Variants in COL5A2 observed in about 807,000 individuals in gnomAD.
COL5A2 encodes collagen alpha-2(V) chain.
COL5A2 carries 23 observed loss-of-function variants against 208.2 expected under a neutral mutation model. The ratio of observed to expected loss-of-function variants is 0.11; its 90% CI spans 0.08 to 0.16. The LOEUF (loss-of-function observed/expected upper bound fraction) is 0.16. Ranked by LOEUF, COL5A2 falls within the 10% of genes least tolerant of loss-of-function variation. The pLI, the probability that COL5A2 is intolerant of heterozygous loss-of-function variation, is 1.00. For synonymous variants in COL5A2, 625 were observed against 628.5 expected, an observed-to-expected ratio of 0.99 and a Z score of 0.08; for missense variants, 1,590 against 1,956.4, an observed-to-expected ratio of 0.81 and a Z score of 3.53.
At chr2:189,298,965 T>C in the COL5A2 span, among the ~76,000 whole-genome samples, 1 of 152,212 alleles carries the variant, frequency 6.6e-6, no homozygotes, top group East Asian at 1.9e-4. Context: ...CTTTTCAGCT[T>C]TGACCCTAAA....
At chr2:189,180,491 T>A (rs73980174), upstream of COL5A2, among the ~76,000 whole-genome samples, 4,523 of 152,244 alleles carry the variant, frequency 0.03, 79 homozygotes, top group Admixed American at 0.046. Context: ...TGCAGAGGAA[T>A]GGGAAGTACT....
the COL5A2 span, among the ~76,000 whole-genome samples, chr2:189,303,897 G>A: frequency 1.3e-5 from 2 of 152,048 alleles, no homozygotes; most frequent in Non-Finnish European, 2.9e-5. Flanking sequence ...GGGGCTGCCC[G>A]AGTCATGAAT....
At chr2:189,325,398 T>A in the COL5A2 span, among the ~76,000 whole-genome samples, 1 of 151,736 alleles carries the variant, frequency 6.6e-6, no homozygotes, top group Admixed American at 6.6e-5. Context: ...ATCCTCCATG[T>A]TCCTTCTCCT....
chr2:189,426,699 C>T, the COL5A2 span, among the ~76,000 whole-genome samples: 9 of 152,192 alleles, frequency 5.9e-5, no homozygotes, highest in East Asian at 3.9e-4. Flanking sequence ...AGGTCACTTC[C>T]GCTATGCTTT....
intron 3 of COL5A2, among the ~76,000 whole-genome samples, chr2:189,101,831 T>C (rs984733656): frequency 2.0e-5 from 3 of 151,948 alleles, no homozygotes; most frequent in African/African-American, 7.2e-5. Context: ...TTCTATAGGG[T>C]AAGTTCAAGA....
At chr2:189,349,888 C>T in the COL5A2 span, among the ~76,000 whole-genome samples, 3 of 152,030 alleles carry the variant, frequency 2.0e-5, no homozygotes, top group African/African-American at 7.2e-5. Context: ...TGGAAAATTA[C>T]TCAGCAATAT....
chr2:189,287,726 T>C, the COL5A2 span, among the ~76,000 whole-genome samples: 757 of 152,300 alleles, frequency 5.0e-3, 1 homozygote, highest in Non-Finnish European at 7.4e-3. Context: ...GCAAAAATCA[T>C]TGCAATTACT....
At position 189,057,290 on chromosome 2, in the gene COL5A2, G is replaced by GAAAAAAAAAAAAAAA. The variant is rs34715449; in HGVS notation, c.2337+15_2337+29dup. ...AGCAGAAAGTCTGAATAAATGAACT[G>GAAAAAAAAAAAAAAA]AAAAAAAAAAAAAAAAAAAAAGGAC... On this transcript the variant is annotated intron_variant, in intron 34 of 53. Coordinates refer to ENST00000374866, the MANE Select transcript of COL5A2 (RefSeq NM_000393.5). 1.2e-4 allele frequency: 83 copies of GAAAAAAAAAAAAAAA among 710,624 alleles called. 7 individuals are homozygous for GAAAAAAAAAAAAAAA. Among genetic ancestry groups the GAAAAAAAAAAAAAAA allele is most frequent in the Admixed American group, 2.7e-4 (9 of 33,278 alleles). The allele number at this position is 710,624 out of a possible 1,614,324, so 44.0% of individuals were successfully genotyped here.
At chr2:189,276,329 T>C in the COL5A2 span, among the ~76,000 whole-genome samples, 1 of 152,190 alleles carries the variant, frequency 6.6e-6, no homozygotes, top group Non-Finnish European at 1.5e-5. Context: ...TTTTATTCAC[T>C]ATGTGTAATA....
chr2:189,374,280 C>T, the COL5A2 span, among the ~76,000 whole-genome samples: 1 of 150,946 alleles, frequency 6.6e-6, no homozygotes, highest in Non-Finnish European at 1.5e-5. Context: ...TTTTTCTTTA[C>T]TAAAAGCAAT....
the COL5A2 span, among the ~76,000 whole-genome samples, chr2:189,396,741 T>C: frequency 4.7e-5 from 7 of 148,912 alleles, no homozygotes; most frequent in South Asian, 1.3e-3. Context: ...CCCAGCACTT[T>C]GGGAGGCCGA....
At chr2:189,358,243 A>C in the COL5A2 span, among the ~76,000 whole-genome samples, 1 of 152,298 alleles carries the variant, frequency 6.6e-6, no homozygotes, top group South Asian at 2.1e-4. Flanking sequence ...CAGAAAAAAA[A>C]AAATCACTTC....
In COL5A2 at chr2:189,053,560, G is replaced by A; in HGVS notation, c.2500-83C>T. 17 of 1,211,508 alleles carry A rather than the reference G, an allele frequency of 1.4e-5. 1 individual carries two copies. The South Asian group carries it at 2.0e-4, about 14-fold the overall frequency. The allele number at this position is 1,211,508 out of a possible 1,614,324, so 75.0% of individuals were successfully genotyped here. Reference sequence around the variant, plus strand: ...TTTTAAAATATGATCATATAAATCTGATAGTTAGACATGTAAATATAGAAA... The same window carrying A: ...TTTTAAAATATGATCATATAAATCTAATAGTTAGACATGTAAATATAGAAA... On this transcript the variant is annotated intron_variant, in intron 37 of 53. Transcript: ENST00000374866.
At chr2:189,352,709 T>C in the COL5A2 span, among the ~76,000 whole-genome samples, 1 of 152,230 alleles carries the variant, frequency 6.6e-6, no homozygotes, top group African/African-American at 2.4e-5. Context: ...GATGGATAGA[T>C]TGAGAAAATT....
the COL5A2 span, among the ~76,000 whole-genome samples, chr2:189,401,312 A>C: frequency 6.6e-6 from 1 of 152,172 alleles, no homozygotes; most frequent in African/African-American, 2.4e-5. Context: ...GAGACCAGAA[A>C]GTATTTGGTT....
chr2:189,035,229 T>C, intron 52 of COL5A2, 74 bp from the exon 53 acceptor site: 3 of 1,565,982 alleles, frequency 1.9e-6, no homozygotes, highest in Non-Finnish European at 8.7e-7. Context: ...TATAGATAAA[T>C]ATATAAATTG....
chr2:189,422,214 G>A, the COL5A2 span, among the ~76,000 whole-genome samples: 48 of 152,126 alleles, frequency 3.2e-4, no homozygotes, highest in African/African-American at 1.1e-3. Context: ...TGAACTGCCC[G>A]ACAAAACATT....
chr2:189,303,242 A>G, the COL5A2 span, among the ~76,000 whole-genome samples: 1 of 152,202 alleles, frequency 6.6e-6, no homozygotes, highest in Non-Finnish European at 1.5e-5. Context: ...AGTTTCACGC[A>G]TGCATGGAAA....
chr2:189,266,480 A>C, the COL5A2 span, among the ~76,000 whole-genome samples: 3 of 152,086 alleles, frequency 2.0e-5, no homozygotes, highest in African/African-American at 7.2e-5. Context: ...GATGACCCTT[A>C]AAAACTTTCT....
Sources: gnomAD v4.1 joint callset for allele counts (sites outside exome capture counted in the v4.1 genomes callset) on GRCh38, gnomAD v4.1.1 for gene constraint, MANE v1.5 for transcripts, NCBI Gene and HGNC (gene_info 2026-07-23, HGNC 2026-07-21) for gene names.